The following JMJD8 variants were observed in gnomAD, a reference collection of about 807,000 sequenced individuals.
The protein encoded by JMJD8 is jmjC domain-containing protein 8.
In JMJD8, 56 loss-of-function variants were observed where a neutral mutation model predicts 37.6. The observed-to-expected ratio is 1.49, with a 90% confidence interval of 1.20 to 1.86. The LOEUF is 1.86. JMJD8 is among the 40% of genes most tolerant of loss of function. The probability of loss-of-function intolerance (pLI) is 0.00; values close to 1 mark genes in which losing one functional copy is unlikely to be tolerated. For synonymous variants in JMJD8, 261 were observed against 163.7 expected, an observed-to-expected ratio of 1.59 and a Z score of -4.54; for missense variants, 542 against 362.7, an observed-to-expected ratio of 1.49 and a Z score of -4.01.
chr16:682,174 A>G lies in JMJD8; in HGVS notation c.*620T>C. 1 of 1,607,032 alleles carries G rather than the reference A, an allele frequency of 6.2e-7. No homozygotes were observed. Among genetic ancestry groups the G allele is most frequent in the Non-Finnish European group, 8.5e-7 (1 of 1,174,476 alleles). On this transcript the variant is annotated 3_prime_UTR_variant, in exon 9 of 9. Transcript: ENST00000609261. The stretch of plus-strand genomic sequence containing the variant: ...TGCCCCTGTGCCACAGAAGCGAGAC[A>G]TCCCCGACTACCTGTGTGGCAAGAT...
rs769967480 is a variant in JMJD8, at chr16:682,521, G to C, written c.*273C>G. 1.3e-5 allele frequency: 21 copies of C among 1,611,972 alleles called. No homozygotes were observed. The highest frequency in any genetic ancestry group is 1.6e-5 in the Non-Finnish European group (19 of 1,179,534). ...CTGCCCTACCTGGCGTCCTGGTCCA[G>C]GGGAGCCCTGGGCAGAAGCCCCCGG... On this transcript the variant is annotated 3_prime_UTR_variant, in exon 9 of 9. Transcript: ENST00000609261.
At position 681,941 on chromosome 16, in the gene JMJD8, C is replaced by T. The variant is rs957514736; in HGVS notation, c.*853G>A. ...GTGTGCACGTGGCGTGGGAGCATCCCCGCCTTGTGTTGGGTCTGTGCCCCA... is the reference window on the plus strand; with the variant it reads ...GTGTGCACGTGGCGTGGGAGCATCCTCGCCTTGTGTTGGGTCTGTGCCCCA... On this transcript the variant is annotated 3_prime_UTR_variant, in exon 9 of 9. Transcript: ENST00000609261. 1.2e-6 allele frequency: 2 copies of T among 1,611,400 alleles called. No homozygotes were observed. Among genetic ancestry groups the T allele is most frequent in the South Asian group, 1.1e-5 (1 of 91,034 alleles).
chr16:684,182 G>A lies in JMJD8; in HGVS notation c.87-27C>T. 7 of 1,325,218 alleles carry A rather than the reference G, an allele frequency of 5.3e-6. No individual in the cohort carries two copies. In the South Asian group the frequency reaches 1.4e-4, roughly 27 times the overall value. The allele number at this position is 1,325,218 out of a possible 1,614,324, so 82.1% of individuals were successfully genotyped here. On this transcript the variant is annotated intron_variant, in intron 1 of 8. Coordinates refer to ENST00000609261, the MANE Select transcript of JMJD8 (RefSeq NM_001005920.4). Reference sequence around the variant, plus strand: ...TGCGGGCACAGCTGGGTCAGCCCGCGCCCCGCCCGCCGCACGTGACCCCAC... The same window carrying A: ...TGCGGGCACAGCTGGGTCAGCCCGCACCCCGCCCGCCGCACGTGACCCCAC...
At position 681,680 on chromosome 16, in the gene JMJD8, G is replaced by A; in HGVS notation, c.*1114C>T. 5 of 1,558,370 alleles carry A rather than the reference G, an allele frequency of 3.2e-6. No individual in the cohort carries two copies. The highest frequency in any genetic ancestry group is 4.4e-6 in the Non-Finnish European group (5 of 1,148,366). On this transcript the variant is annotated 3_prime_UTR_variant, in exon 9 of 9. Transcript: ENST00000609261. ...ACTCCCGACACAAGCGTTTATCGAA[G>A]GCTTTACTGGCAAGCAGGAAATGTG...
At chr16:683,125 T>C in intron 7 of JMJD8, 38 bp from the exon 8 acceptor site, 2 of 1,613,486 alleles carry the variant, frequency 1.2e-6, no homozygotes, top group South Asian at 2.2e-5. Context: ...TTGCCCGTTT[T>C]GGTCAGCGAG....
In JMJD8 at chr16:681,929, G is replaced by T; in HGVS notation, c.*865C>A. 2 of 1,612,774 alleles carry T rather than the reference G, an allele frequency of 1.2e-6. No homozygotes were observed. Among genetic ancestry groups the T allele is most frequent in the Non-Finnish European group, 1.7e-6 (2 of 1,179,496 alleles). ...GTGGGTCTGTGTGTGTGCACGTGGCGTGGGAGCATCCCCGCCTTGTGTTGG... is the reference window on the plus strand; with the variant it reads ...GTGGGTCTGTGTGTGTGCACGTGGCTTGGGAGCATCCCCGCCTTGTGTTGG... On this transcript the variant is annotated 3_prime_UTR_variant, in exon 9 of 9. Transcript: ENST00000609261.
In JMJD8 at chr16:682,048, T is replaced by C; in HGVS notation, c.*746A>G. On this transcript the variant is annotated 3_prime_UTR_variant, in exon 9 of 9. Transcript: ENST00000609261. The stretch of plus-strand genomic sequence containing the variant: ...AAGTACATGGCGGACATGGACGAGC[T>C]TTTTTCTCAGGTGGATGAGAAGAGG... 6.3e-7 allele frequency: 1 copy of C among 1,587,518 alleles called. No individual in the cohort carries two copies. Among genetic ancestry groups the C allele is most frequent in the Non-Finnish European group, 8.6e-7 (1 of 1,161,220 alleles).
In JMJD8 at chr16:682,501, C is replaced by A. The variant is rs1381779960; in HGVS notation, c.*293G>T. The A allele has an allele frequency of 6.2e-7, 1 of 1,613,010 alleles. No homozygotes were observed. Among genetic ancestry groups the A allele is most frequent in the Non-Finnish European group, 8.5e-7 (1 of 1,179,930 alleles). ...TGGAGGACTACTGAGGTTCCCTGCCCTACCTGGCGTCCTGGTCCAGGGGAG... is the reference window on the plus strand; with the variant it reads ...TGGAGGACTACTGAGGTTCCCTGCCATACCTGGCGTCCTGGTCCAGGGGAG... On this transcript the variant is annotated 3_prime_UTR_variant, in exon 9 of 9. Coordinates refer to ENST00000609261, the MANE Select transcript of JMJD8 (RefSeq NM_001005920.4).
chr16:682,294 G>A lies in JMJD8; in HGVS notation c.*500C>T. 6.2e-7 allele frequency: 1 copy of A among 1,612,496 alleles called. No homozygotes were observed. The highest frequency in any genetic ancestry group is 8.5e-7 in the Non-Finnish European group (1 of 1,179,798). On this transcript the variant is annotated 3_prime_UTR_variant, in exon 9 of 9. Transcript: ENST00000609261. The stretch of plus-strand genomic sequence containing the variant: ...GGAGCACCTGCAGGTGAGGCCTGCG[G>A]CTGGGGGAGCAGGGCCAGTGGCATG...
chr16:683,086 C>T lies in JMJD8; in HGVS notation c.581G>A (p.Arg194His), dbSNP rs1473397898. The change falls in exon 8 of 9, where the codon CGC becomes CAC. Residue 194 changes from arginine (R) to histidine (H), a missense_variant and splice_region_variant. Physicochemically the swap from Arg to His is conservative, Grantham distance 29 (BLOSUM62 0). Transcript: ENST00000609261. ...CTTCTCAGGTGGGTAAAGGAACCAG[C>T]GCTGGGGGCATGAGCAGCAGTGTCA... ...GYSEVIYGRK[R>H]WFLYPPEKTP... The T allele has an allele frequency of 1.2e-6, 2 of 1,613,546 alleles. No homozygotes were observed. Among genetic ancestry groups the T allele is most frequent in the Non-Finnish European group, 1.7e-6 (2 of 1,179,854 alleles).
chr16:682,281 G>C lies in JMJD8; in HGVS notation c.*513C>G. 5.7e-6 allele frequency: 9 copies of C among 1,569,096 alleles called. No individual in the cohort carries two copies. The highest frequency in any genetic ancestry group is 7.7e-6 in the Non-Finnish European group (9 of 1,168,182). The stretch of plus-strand genomic sequence containing the variant: ...GCAAGGACATCGAGGAGCACCTGCA[G>C]GTGAGGCCTGCGGCTGGGGGAGCAG... On this transcript the variant is annotated 3_prime_UTR_variant, in exon 9 of 9. Transcript: ENST00000609261.
chr16:683,475 G>A (rs749271745), intron 5 of JMJD8, 34 bp from the exon 6 acceptor site: 7 of 1,549,096 alleles, frequency 4.5e-6, no homozygotes, highest in African/African-American at 1.4e-5. Context: ...AGGGATCCTG[G>A]CACCTGGAGA....
In JMJD8 at chr16:681,768, TG is replaced by T; in HGVS notation, c.*1025del. The T allele has an allele frequency of 6.3e-7, 1 of 1,578,762 alleles. No individual in the cohort carries two copies. The highest frequency in any genetic ancestry group is 8.6e-7 in the Non-Finnish European group (1 of 1,157,980). On this transcript the variant is annotated 3_prime_UTR_variant, in exon 9 of 9. Transcript: ENST00000609261. ...TCAGACATCTGGCCAGGTCCATCTC[TG>T]ACCGGCTCCTGGTCAACCCCCAGGG...
In JMJD8 at chr16:682,092, T is replaced by G. The variant is rs769348495; in HGVS notation, c.*702A>C. The G allele has an allele frequency of 6.3e-7, 1 of 1,581,482 alleles. No homozygotes were observed. Among genetic ancestry groups the G allele is most frequent in the Admixed American group, 1.7e-5 (1 of 58,784 alleles). ...GAAGAGGAAGGTGAGTGTGTGTCGC[T>G]TGCTGCCGATGGCTGGCAGGTGCTC... On this transcript the variant is annotated 3_prime_UTR_variant, in exon 9 of 9. Transcript: ENST00000609261.
chr16:682,864 A>C lies in JMJD8; in HGVS notation c.725T>G (p.Phe242Cys), dbSNP rs934811173. Residue 242 changes from phenylalanine to cysteine, a missense_variant, in exon 9 of 9, where the codon TTC (phenylalanine) becomes TGC (cysteine). Physicochemically the swap from Phe to Cys is radical, Grantham distance 205. Coordinates refer to ENST00000609261, the MANE Select transcript of JMJD8 (RefSeq NM_001005920.4). ...CTIRAGEVLY[F>C]PDRWWHATLN... The stretch of plus-strand genomic sequence containing the variant: ...CGTAGCATGCCACCAGCGGTCGGGG[A>C]AGTACAGCACCTGGTGGAGGAAGGG... The C allele has an allele frequency of 6.2e-7, 1 of 1,612,906 alleles. No homozygotes were observed. Among genetic ancestry groups the C allele is most frequent in the African/African-American group, 1.3e-5 (1 of 74,936 alleles).
chr16:681,800 G>A lies in JMJD8; in HGVS notation c.*994C>T. ...CTCCTGGTCAACCCCCAGGGAGCTG[G>A]AAGAGTGCCAGCGAAACCACGAGGG... On this transcript the variant is annotated 3_prime_UTR_variant, in exon 9 of 9. Coordinates refer to ENST00000609261, the MANE Select transcript of JMJD8 (RefSeq NM_001005920.4). 1.3e-6 allele frequency: 2 copies of A among 1,599,400 alleles called. No homozygotes were observed.
intron 1 of JMJD8, 32 bp from the exon 2 acceptor site, chr16:684,187 G>GCCCGCCGCACGTGAC: frequency 1.5e-6 from 2 of 1,322,648 alleles, no homozygotes; most frequent in South Asian, 4.1e-5. Flanking sequence ...CCCGCGCCCC[G>GCCCGCCGCACGTGAC]CCCGCCGCAC....
Position 682,691 on chromosome 16 carries a change from G to C in JMJD8, c.*103C>G. ...GTGGGCTGGAAAAGCAGGTGAGGGT[G>C]GGCTGGGCTGAGGCCATTGCCGCCA... On this transcript the variant is annotated 3_prime_UTR_variant, in exon 9 of 9. Transcript: ENST00000609261. The C allele has an allele frequency of 6.9e-7, 1 of 1,448,088 alleles. No individual in the cohort carries two copies. The highest frequency in any genetic ancestry group is 9.5e-7 in the Non-Finnish European group (1 of 1,056,848). 89.7% of individuals were successfully genotyped at this position (1,448,088 alleles called of 1,614,324 possible). A position where few individuals can be genotyped will look rare whatever the true frequency, so the allele number is the denominator to read the frequency against.
chr16:682,270 G>C lies in JMJD8; in HGVS notation c.*524C>G. The C allele has an allele frequency of 6.3e-7, 1 of 1,596,514 alleles. No homozygotes were observed. The highest frequency in any genetic ancestry group is 8.5e-7 in the Non-Finnish European group (1 of 1,176,930). Reference sequence around the variant, plus strand: ...CACCTACGACCGCAAGGACATCGAGGAGCACCTGCAGGTGAGGCCTGCGGC... The same window carrying C: ...CACCTACGACCGCAAGGACATCGAGCAGCACCTGCAGGTGAGGCCTGCGGC... On this transcript the variant is annotated 3_prime_UTR_variant, in exon 9 of 9. Transcript: ENST00000609261.
Sources: allele counts gnomAD v4.1 joint callset, GRCh38; gene constraint gnomAD v4.1.1; transcripts MANE v1.5; gene names NCBI Gene and HGNC (gene_info 2026-07-23, HGNC 2026-07-21).